Variants in SPIDR observed in about 807,000 individuals in gnomAD.
SPIDR encodes the protein scaffold protein involved in DNA repair.
Under a neutral mutation model 104.6 loss-of-function variants are expected in SPIDR, and 93 were observed. The observed-to-expected ratio is 0.89, with a 90% CI of 0.75 to 1.06. SPIDR has a LOEUF of 1.06. Ranked by LOEUF, SPIDR falls within the 50% of genes least tolerant of loss-of-function variation. The probability of loss-of-function intolerance (pLI) is 0.00; values close to 1 mark genes in which losing one functional copy is unlikely to be tolerated. For synonymous variants in SPIDR, 431 were observed against 416.9 expected, an observed-to-expected ratio of 1.03 and a Z score of -0.41; for missense variants, 1,154 against 1,111.2, an observed-to-expected ratio of 1.04 and a Z score of -0.55.
chr8:47,647,158 A>T (rs567810179), intron 10 of SPIDR, among the ~76,000 whole-genome samples: 1 of 152,234 alleles, frequency 6.6e-6, no homozygotes, highest in Non-Finnish European at 1.5e-5. Context: ...TGAAACATTT[A>T]TCCATTCAAC....
In SPIDR at chr8:47,293,891, A is replaced by T; in HGVS notation, c.386A>T (p.Glu129Val). ...QRDELQFIDW[E>V]IDSDRAEASD... is the part of the protein sequence containing the mutation. Reference sequence around the variant, plus strand: ...GATGAATTACAGTTTATCGACTGGGAGATTGACAGTGACAGGGCAGAGGCT... The same window carrying T: ...GATGAATTACAGTTTATCGACTGGGTGATTGACAGTGACAGGGCAGAGGCT... Residue 129 changes from glutamate (E) to valine (V), a missense_variant, in exon 5 of 20, where the codon GAG (glutamate) becomes GTG (valine). Coordinates refer to ENST00000297423, the MANE Select transcript of SPIDR (RefSeq NM_001080394.4). 3.1e-6 allele frequency: 5 copies of T among 1,610,586 alleles called. No individual in the cohort carries two copies. Among genetic ancestry groups the T allele is most frequent in the Non-Finnish European group, 2.5e-6 (3 of 1,178,636 alleles).
intron 6 of SPIDR, among the ~76,000 whole-genome samples, chr8:47,406,278 C>T (rs2062746006): frequency 6.6e-6 from 1 of 152,186 alleles, no homozygotes; most frequent in Non-Finnish European, 1.5e-5. Context: ...TGGAACCAGA[C>T]TGCCTAGGCG....
At chr8:47,322,590 A>G (rs1271425158) in intron 5 of SPIDR, among the ~76,000 whole-genome samples, 4 of 152,212 alleles carry the variant, frequency 2.6e-5, no homozygotes, top group African/African-American at 4.8e-5. Flanking sequence ...ATTACTGGGT[A>G]TATACCCAAA....
chr8:47,322,361 A>C (rs1232465683), intron 5 of SPIDR, among the ~76,000 whole-genome samples: 3 of 152,256 alleles, frequency 2.0e-5, no homozygotes, highest in Non-Finnish European at 4.4e-5. Context: ...TGGCCATCAG[A>C]GAAATGCAAA....
chr8:47,333,193 G>A (rs1554605818), intron 5 of SPIDR, among the ~76,000 whole-genome samples: 1 of 152,170 alleles, frequency 6.6e-6, no homozygotes. Flanking sequence ...CATCTTGTAT[G>A]ATATCAGTGC....
chr8:47,643,615 C>G (rs1251100747), intron 10 of SPIDR, among the ~76,000 whole-genome samples: 3 of 152,148 alleles, frequency 2.0e-5, no homozygotes, highest in African/African-American at 7.2e-5. Context: ...ATCCTCCCAC[C>G]TTGACCTCCC....
chr8:47,616,564 A>G lies in SPIDR; in HGVS notation c.1544+17368A>G, dbSNP rs536148585. ...TATAGAACCAGTTCAATTCTACTGG[A>G]TCCTTCTTTGCAGTGATATTCTCTA... On this transcript the variant is annotated intron_variant, in intron 10 of 19. Transcript: ENST00000297423. Among the ~76,000 whole-genome samples, 5 of 152,334 alleles carry G rather than the reference A, an allele frequency of 3.3e-5. No homozygotes were observed. In the South Asian group the frequency reaches 1.0e-3, roughly 32 times the overall value.
chr8:47,483,900 C>T (rs557646528), intron 8 of SPIDR, among the ~76,000 whole-genome samples: 2 of 152,030 alleles, frequency 1.3e-5, no homozygotes, highest in African/African-American at 4.8e-5. Context: ...GGGTGGAGTT[C>T]CAGTTTTACT....
intron 8 of SPIDR, among the ~76,000 whole-genome samples, chr8:47,539,353 G>A (rs1272666107): frequency 6.6e-6 from 1 of 152,212 alleles, no homozygotes; most frequent in Non-Finnish European, 1.5e-5. Context: ...CAGAAGAGAC[G>A]GTGGGTATGC....
chr8:47,680,938 C>T (rs1288806446), intron 11 of SPIDR, among the ~76,000 whole-genome samples: 1 of 152,206 alleles, frequency 6.6e-6, no homozygotes, highest in Non-Finnish European at 1.5e-5. Flanking sequence ...GTGGCATGCA[C>T]CTCTAATCCC....
intron 8 of SPIDR, among the ~76,000 whole-genome samples, chr8:47,565,074 C>A (rs2057609613): frequency 6.6e-6 from 1 of 151,854 alleles, no homozygotes; most frequent in South Asian, 2.1e-4. Context: ...TGGAGAAACC[C>A]CATCTTTACT....
At chr8:47,348,152 A>G (rs1295913064) in intron 5 of SPIDR, among the ~76,000 whole-genome samples, 2 of 152,140 alleles carry the variant, frequency 1.3e-5, no homozygotes, top group South Asian at 4.1e-4. Context: ...GGTGGTGACA[A>G]ACTCTCTCAG....
chr8:47,672,988 C>T (rs1193596072), intron 10 of SPIDR, among the ~76,000 whole-genome samples: 1 of 152,214 alleles, frequency 6.6e-6, no homozygotes, highest in African/African-American at 2.4e-5. Context: ...CATCTGTTCT[C>T]CTCCAACATG....
chr8:47,674,087 G>A, intron 11 of SPIDR, 146 bp downstream of exon 11: 18 of 883,186 alleles, frequency 2.0e-5, no homozygotes, highest in South Asian at 1.3e-4. Context: ...GGAGTTGAGT[G>A]GAATCTATAA....
At chr8:47,328,011 G>T (rs1338748612) in intron 5 of SPIDR, among the ~76,000 whole-genome samples, 2 of 146,148 alleles carry the variant, frequency 1.4e-5, no homozygotes. Flanking sequence ...TTTTTTTTTT[G>T]GTTTTTTTTT....
At chr8:47,595,766 C>A in intron 8 of SPIDR, 45 bp from the exon 9 acceptor site, 2 of 1,575,940 alleles carry the variant, frequency 1.3e-6, no homozygotes, top group Non-Finnish European at 1.7e-6. Flanking sequence ...TATGAGGGGA[C>A]CCCAATATTG....
intron 10 of SPIDR, among the ~76,000 whole-genome samples, chr8:47,619,739 G>A (rs2064864419): frequency 6.6e-6 from 1 of 151,840 alleles, no homozygotes; most frequent in African/African-American, 2.4e-5. Flanking sequence ...TTGAGTAGCT[G>A]GAACCACAAG....
At chr8:47,300,578 G>A (rs1390487290) in intron 5 of SPIDR, among the ~76,000 whole-genome samples, 1 of 152,000 alleles carries the variant, frequency 6.6e-6, no homozygotes, top group Non-Finnish European at 1.5e-5. Flanking sequence ...TTCTCTTGTG[G>A]GCATTTAGTG....
intron 11 of SPIDR, among the ~76,000 whole-genome samples, chr8:47,682,483 A>G (rs2077230139): frequency 6.6e-6 from 1 of 152,222 alleles, no homozygotes; most frequent in African/African-American, 2.4e-5. Flanking sequence ...TGAATGTACT[A>G]AATACCACTG....
Sources: gnomAD v4.1 joint callset for allele counts (sites outside exome capture counted in the v4.1 genomes callset) on GRCh38, gnomAD v4.1.1 for gene constraint, MANE v1.5 for transcripts, NCBI Gene and HGNC (gene_info 2026-07-23, HGNC 2026-07-21) for gene names.